SLC4A10: variants seen among roughly 807,000 people sequenced by gnomAD.
SLC4A10 encodes the protein sodium-driven chloride bicarbonate exchanger.
SLC4A10 carries 42 observed loss-of-function variants against 137.7 expected under a neutral mutation model. That is an observed-to-expected ratio of 0.30 (90% CI 0.24 to 0.39). The LOEUF is 0.39. Among genes scored for constraint, SLC4A10 ranks in the 10% least tolerant of loss-of-function variants. The pLI, the probability that SLC4A10 is intolerant of heterozygous loss-of-function variation, is 1.00. For missense variants in SLC4A10, 925 were observed against 1,355.0 expected (o/e 0.68, Z 4.98); for synonymous variants, 474 against 464.1 (o/e 1.02, Z -0.27).
intron 16 of SLC4A10, among the ~76,000 whole-genome samples, chr2:161,946,315 C>A (rs1041086441): frequency 9.2e-5 from 14 of 152,014 alleles, no homozygotes; most frequent in East Asian, 7.7e-4. Context: ...CTTAGGGTAG[C>A]TAGCAACTCC....
At chr2:161,725,175 T>A (rs1036131825) in intron 1 of SLC4A10, among the ~76,000 whole-genome samples, 7 of 152,136 alleles carry the variant, frequency 4.6e-5, no homozygotes, top group Non-Finnish European at 8.8e-5. Flanking sequence ...GACTCTGAGG[T>A]GCTTTAAAGT....
At chr2:161,739,672 C>T (rs554597056) in intron 1 of SLC4A10, among the ~76,000 whole-genome samples, 27 of 152,182 alleles carry the variant, frequency 1.8e-4, no homozygotes, top group Non-Finnish European at 3.2e-4. Context: ...TTTAGGGCTT[C>T]CCCAATAGGA....
intron 15 of SLC4A10, among the ~76,000 whole-genome samples, chr2:161,930,523 C>T (rs1690156437): frequency 1.3e-5 from 2 of 150,264 alleles, no homozygotes; most frequent in Middle Eastern, 3.5e-3. Flanking sequence ...TATAATTATA[C>T]TTACTGAATA....
At chr2:161,636,592 A>G (rs12470590) in intron 1 of SLC4A10, among the ~76,000 whole-genome samples, 12,307 of 151,622 alleles carry the variant, frequency 0.081, 566 homozygotes, top group East Asian at 0.14. Context: ...TAGAGATGGG[A>G]TCTCACCATG....
At chr2:161,894,166 G>A (rs1290736036) in intron 10 of SLC4A10, among the ~76,000 whole-genome samples, 1 of 151,944 alleles carries the variant, frequency 6.6e-6, no homozygotes, top group Non-Finnish European at 1.5e-5. Context: ...GGGAATCCTG[G>A]AACCAATCCC....
At chr2:161,881,041 T>C (rs1254510803) in intron 9 of SLC4A10, among the ~76,000 whole-genome samples, 2 of 152,034 alleles carry the variant, frequency 1.3e-5, no homozygotes, top group African/African-American at 2.4e-5. Flanking sequence ...AGAGCAACTG[T>C]ATGAGAAAAG....
chr2:161,976,243 G>A (rs377233366), intron 24 of SLC4A10, among the ~76,000 whole-genome samples: 25 of 152,040 alleles, frequency 1.6e-4, no homozygotes, highest in African/African-American at 5.8e-4. Flanking sequence ...ACAAAATGGG[G>A]CATACACATA....
intron 1 of SLC4A10, among the ~76,000 whole-genome samples, chr2:161,680,632 G>A (rs1281114169): frequency 1.3e-5 from 2 of 151,982 alleles, no homozygotes; most frequent in East Asian, 3.8e-4. Context: ...GAATAAGGGA[G>A]TAATGTGATG....
intron 1 of SLC4A10, among the ~76,000 whole-genome samples, chr2:161,691,833 G>C (rs1444302114): frequency 6.6e-6 from 1 of 152,054 alleles, no homozygotes; most frequent in Non-Finnish European, 1.5e-5. Context: ...CCATTCTCTT[G>C]AGGAATTTAC....
At chr2:161,728,705 T>G (rs1281429382) in intron 1 of SLC4A10, among the ~76,000 whole-genome samples, 3 of 152,206 alleles carry the variant, frequency 2.0e-5, no homozygotes, top group Non-Finnish European at 4.4e-5. Flanking sequence ...CCAAATCATT[T>G]TATGAAGCCA....
chr2:161,662,159 CT>C (rs2038506213), intron 1 of SLC4A10, among the ~76,000 whole-genome samples: 1 of 152,056 alleles, frequency 6.6e-6, no homozygotes. Flanking sequence ...CGTCTAGGCT[CT>C]TTCCTTACTT....
At chr2:161,874,068 A>G in intron 8 of SLC4A10, 63 bp downstream of exon 8, 3 of 1,458,386 alleles carry the variant, frequency 2.1e-6, no homozygotes, top group South Asian at 2.4e-5. Flanking sequence ...GTATGGAGGC[A>G]TGTGATTCAA....
intron 3 of SLC4A10, among the ~76,000 whole-genome samples, chr2:161,819,458 C>A (rs1458286353): frequency 6.6e-6 from 1 of 151,810 alleles, no homozygotes; most frequent in Non-Finnish European, 1.5e-5. Context: ...ATTCTCCTTC[C>A]TATTGCAATC....
chr2:161,894,861 T>G (rs1220903182), intron 11 of SLC4A10, 36 bp downstream of exon 11: 1 of 1,292,144 alleles, frequency 7.7e-7, no homozygotes, highest in African/African-American at 1.5e-5. Flanking sequence ...GAAATTGAAT[T>G]TTTTTTTGTC....
intron 1 of SLC4A10, among the ~76,000 whole-genome samples, chr2:161,756,514 C>T (rs759773639): frequency 4.6e-5 from 7 of 152,096 alleles, no homozygotes; most frequent in Admixed American, 6.5e-5. Flanking sequence ...TAGGATGAGT[C>T]AGGACCACGA....
At chr2:161,752,619 G>A (rs2049108733) in intron 1 of SLC4A10, among the ~76,000 whole-genome samples, 1 of 151,966 alleles carries the variant, frequency 6.6e-6, no homozygotes, top group African/African-American at 2.4e-5. Context: ...AACACACAAT[G>A]GAATAATATT....
chr2:161,736,348 G>C (rs2125216832), intron 1 of SLC4A10, among the ~76,000 whole-genome samples: 1 of 152,248 alleles, frequency 6.6e-6, no homozygotes, highest in African/African-American at 2.4e-5. Flanking sequence ...TCCCAGTTAA[G>C]ACAAAATGAC....
chr2:161,938,533 T>G (rs370620484), intron 15 of SLC4A10, among the ~76,000 whole-genome samples: 1 of 151,100 alleles, frequency 6.6e-6, no homozygotes, highest in Admixed American at 6.6e-5. Flanking sequence ...TTATCGATAA[T>G]AATCTATTAT....
At chr2:161,696,768 G>A (rs1348863819) in intron 1 of SLC4A10, among the ~76,000 whole-genome samples, 115 of 152,026 alleles carry the variant, frequency 7.6e-4, no homozygotes, top group Non-Finnish European at 3.4e-4. Context: ...ATAAACATAC[G>A]TGTGCATGTG....
Sources: allele counts gnomAD v4.1 joint callset (sites outside exome capture counted in the v4.1 genomes callset), GRCh38; gene constraint gnomAD v4.1.1; transcripts MANE v1.5; gene names NCBI Gene and HGNC (gene_info 2026-07-23, HGNC 2026-07-21).